Variants in KCNAB2 observed in about 807,000 individuals in gnomAD.
KCNAB2 encodes the protein potassium voltage-gated channel subfamily A regulatory beta subunit 2.
KCNAB2 carries 29 observed loss-of-function variants against 63.6 expected under a neutral mutation model. That is an observed-to-expected ratio of 0.46 (90% CI 0.34 to 0.62). KCNAB2 has a LOEUF of 0.62. KCNAB2 is among the 20% of genes least tolerant of loss of function. KCNAB2 has a pLI of 0.01. For synonymous variants in KCNAB2, 222 were observed against 224.2 expected (o/e 0.99, Z 0.09); for missense variants, 359 against 563.9 (o/e 0.64, Z 3.68).
At chr1:6,019,545 CTG>C (rs1334813417) in intron 1 of KCNAB2, among the ~76,000 whole-genome samples, 1 of 152,296 alleles carries the variant, frequency 6.6e-6, no homozygotes, top group East Asian at 1.9e-4. Context: ...CAGAGAGAAA[CTG>C]TGCCGAATGA....
chr1:6,052,316 T>G (rs1188942064), intron 2 of KCNAB2, among the ~76,000 whole-genome samples: 1 of 152,036 alleles, frequency 6.6e-6, no homozygotes, highest in East Asian at 1.9e-4. Flanking sequence ...TCCCAGCTAC[T>G]TGGGAGGCTG....
Position 6,091,148 on chromosome 1 carries a change from A to T in KCNAB2, c.602-115A>T, listed in dbSNP as rs1239322179. On this transcript the variant is annotated intron_variant, in intron 9 of 15. Transcript: ENST00000378083. Reference sequence around the variant, plus strand: ...TGATATATTTTTTTCCTTTTTAACTAAACGCGTGTTCTGCACGGTGATTTG... The same window carrying T: ...TGATATATTTTTTTCCTTTTTAACTTAACGCGTGTTCTGCACGGTGATTTG... 18 of 752,314 alleles carry T rather than the reference A, an allele frequency of 2.4e-5. No individual in the cohort carries two copies. The East Asian group carries it at 3.8e-4, about 16-fold the overall frequency. The allele number at this position is 752,314 out of a possible 1,614,324, so 46.6% of individuals were successfully genotyped here.
At chr1:6,002,790 G>C (rs974738347) in intron 1 of KCNAB2, among the ~76,000 whole-genome samples, 47 of 152,188 alleles carry the variant, frequency 3.1e-4, no homozygotes, top group African/African-American at 1.1e-3. Flanking sequence ...GAGAGCGGCT[G>C]CCCCCCTGCA....
intron 1 of KCNAB2, chr1:6,027,278 G>C (rs1007846978): frequency 6.5e-6 from 1 of 154,504 alleles, no homozygotes; most frequent in Non-Finnish European, 1.4e-5. Flanking sequence ...GTGTGTGGAC[G>C]GCTGAAGGGA....
chr1:6,048,765 G>A (rs936481480), intron 1 of KCNAB2, among the ~76,000 whole-genome samples: 2 of 152,198 alleles, frequency 1.3e-5, no homozygotes, highest in East Asian at 3.9e-4. Flanking sequence ...GTGAGGGTTG[G>A]CCCCCATTTG....
chr1:6,056,094 G>T (rs1345474248), intron 2 of KCNAB2, among the ~76,000 whole-genome samples: 1 of 152,054 alleles, frequency 6.6e-6, no homozygotes, highest in African/African-American at 2.4e-5. Context: ...ACCCAGGCTG[G>T]AGTGCAGTGG....
chr1:6,007,445 G>C (rs892562234), intron 1 of KCNAB2: 1 of 152,342 alleles, frequency 6.6e-6, no homozygotes, highest in Non-Finnish European at 1.5e-5. Flanking sequence ...CCAGGAAGCC[G>C]AGGCAGCAGC....
chr1:6,029,095 C>T (rs1195864927), intron 1 of KCNAB2, among the ~76,000 whole-genome samples: 1 of 152,114 alleles, frequency 6.6e-6, no homozygotes, highest in Non-Finnish European at 1.5e-5. Flanking sequence ...TCCTGGCCAA[C>T]ATGGTGAAAC....
At chr1:6,011,384 A>G (rs947847747) in intron 1 of KCNAB2, among the ~76,000 whole-genome samples, 1 of 149,290 alleles carries the variant, frequency 6.7e-6, no homozygotes, top group Admixed American at 6.7e-5. Flanking sequence ...CGAGGCAGGC[A>G]GCTGTGCCCA....
At chr1:6,058,724 G>A (rs766907318) in intron 2 of KCNAB2, among the ~76,000 whole-genome samples, 6 of 152,238 alleles carry the variant, frequency 3.9e-5, no homozygotes, top group East Asian at 3.8e-4. Context: ...GACAAGGGGC[G>A]GAGGCATCAG....
rs1327262429 is a variant in KCNAB2, at chr1:6,054,257, T to C, written c.218+2503T>C. Among the ~76,000 whole-genome samples, 3 of 151,922 alleles carry C rather than the reference T, an allele frequency of 2.0e-5. No homozygotes were observed. In the South Asian group the frequency reaches 6.3e-4, roughly 32 times the overall value. On this transcript the variant is annotated intron_variant, in intron 2 of 15. Transcript: ENST00000378083. ...CTCTGAGGAGTCTCGGTGTTACCGG[T>C]GGAGGGTGTGCAGCCAGGTTCCTGG...
chr1:6,022,748 T>C (rs1570881146), intron 1 of KCNAB2, among the ~76,000 whole-genome samples: 1 of 152,272 alleles, frequency 6.6e-6, no homozygotes, highest in Middle Eastern at 3.4e-3. Context: ...GTATTTGTCA[T>C]TTTGTGACTG....
chr1:6,013,919 T>C (rs987311216), intron 1 of KCNAB2, among the ~76,000 whole-genome samples: 1 of 152,172 alleles, frequency 6.6e-6, no homozygotes, highest in Non-Finnish European at 1.5e-5. Context: ...ACTTCTCTGC[T>C]GGCCATAGAA....
At chr1:6,037,246 C>T (rs1200269573) in intron 1 of KCNAB2, among the ~76,000 whole-genome samples, 1 of 152,164 alleles carries the variant, frequency 6.6e-6, no homozygotes, top group Non-Finnish European at 1.5e-5. Context: ...TTTGTGATTC[C>T]GGAATTCTGG....
chr1:6,049,531 G>A (rs1218395529), intron 1 of KCNAB2, among the ~76,000 whole-genome samples: 4 of 152,244 alleles, frequency 2.6e-5, no homozygotes, highest in African/African-American at 9.6e-5. Context: ...ATGCCCATCA[G>A]ACAGAGGTGC....
chr1:6,001,220 G>A (rs1285056104), intron 1 of KCNAB2, among the ~76,000 whole-genome samples: 4 of 151,940 alleles, frequency 2.6e-5, no homozygotes, highest in Non-Finnish European at 4.4e-5. Context: ...GTCCCTCTGC[G>A]ACCTGGAGGC....
chr1:6,037,763 C>T lies in KCNAB2; in HGVS notation c.-52-2754C>T, dbSNP rs765558258. 9.2e-5 allele frequency among the ~76,000 whole-genome samples: 14 copies of T among 152,128 alleles called. No homozygotes were observed. The East Asian group carries it at 1.5e-3, about 17-fold the overall frequency. On this transcript the variant is annotated intron_variant, in intron 1 of 15. Transcript: ENST00000164247. ...AGGCTGCCTTTGAGGCCCCTCCAGC[C>T]CCCCAGTGCTGCAGGGATTCAATCA...
Position 6,087,954 on chromosome 1 carries a change from G to T in KCNAB2, c.470+443G>T, listed in dbSNP as rs1390020034. ...CCTGGGCCGCCTGTCACCCCTGCAG[G>T]TCTCCAAGTGTCTAGCTCCATAGTT... On this transcript the variant is annotated intron_variant, in intron 7 of 15. Coordinates refer to ENST00000378083, the MANE Select transcript of KCNAB2 (RefSeq NM_001199862.2). The surrounding 1 kb of genome is among the most constrained non-coding windows in gnomAD (Gnocchi z 6.4). Among the ~76,000 whole-genome samples the T allele has an allele frequency of 1.3e-5, 2 of 152,176 alleles. No individual in the cohort carries two copies. Among genetic ancestry groups the T allele is most frequent in the East Asian group, 3.8e-4 (2 of 5,196 alleles).
chr1:6,091,827 C>T (rs1047126755), intron 10 of KCNAB2, among the ~76,000 whole-genome samples: 1 of 152,186 alleles, frequency 6.6e-6, no homozygotes, highest in African/African-American at 2.4e-5. Context: ...CGCTGCTCCT[C>T]GGACGGCATG....
Sources: allele counts gnomAD v4.1 joint callset (sites outside exome capture counted in the v4.1 genomes callset), GRCh38; gene constraint gnomAD v4.1.1; non-coding constraint Gnocchi (gnomAD v3.1); transcripts MANE v1.5; gene names NCBI Gene and HGNC (gene_info 2026-07-23, HGNC 2026-07-21).